GCN1: variants seen among roughly 807,000 people sequenced by gnomAD.
GCN1 encodes the protein stalled ribosome sensor GCN1.
In GCN1, 90 loss-of-function variants were observed where a neutral mutation model predicts 288.4. The ratio of observed to expected loss-of-function variants is 0.31; its 90% CI spans 0.26 to 0.37. The LOEUF (loss-of-function observed/expected upper bound fraction) is 0.37, where lower values mean the gene tolerates loss of function less well. GCN1 is among the 10% of genes least tolerant of loss of function. The pLI is 1.00. For missense variants in GCN1, 2,586 were observed against 3,419.9 expected (o/e 0.76, Z 6.08); for synonymous variants, 1,386 against 1,420.2 (o/e 0.98, Z 0.54).
chr12:120,179,546 T>C (rs1878585345), intron 5 of GCN1, among the ~76,000 whole-genome samples: 1 of 151,818 alleles, frequency 6.6e-6, no homozygotes, highest in African/African-American at 2.4e-5. Flanking sequence ...ACTACAGGTG[T>C]CCACCACCAT....
chr12:120,142,453 C>A lies in GCN1; in HGVS notation c.5829+54G>T. 7.5e-7 allele frequency: 1 copy of A among 1,333,466 alleles called. No individual in the cohort carries two copies. Among genetic ancestry groups the A allele is most frequent in the South Asian group, 1.2e-5 (1 of 84,746 alleles). 82.6% of individuals were successfully genotyped at this position (1,333,466 alleles called of 1,614,324 possible). On this transcript the variant is annotated intron_variant, in intron 44 of 57. Coordinates refer to ENST00000300648, the MANE Select transcript of GCN1 (RefSeq NM_006836.2). The surrounding 1 kb of genome is among the most constrained non-coding windows in gnomAD (Gnocchi z 4.9). ...GGCTCTGCAGACCCAGCCTTCTAGGCTCTGAAAGGAGGCACTGGGGCTGCT... is the reference window on the plus strand; with the variant it reads ...GGCTCTGCAGACCCAGCCTTCTAGGATCTGAAAGGAGGCACTGGGGCTGCT...
chr12:120,150,035 A>G lies in GCN1; in HGVS notation c.4318T>C (p.Phe1440Leu), dbSNP rs1263066789. 2 of 1,614,012 alleles carry G rather than the reference A, an allele frequency of 1.2e-6. No homozygotes were observed. The highest frequency in any genetic ancestry group is 1.7e-5 in the Admixed American group (1 of 60,006). Residue 1440 changes from phenylalanine (F) to leucine (L), a missense_variant, in exon 35 of 58, where the codon TTT (phenylalanine) becomes CTT (leucine). Physicochemically the swap from Phe to Leu is conservative, Grantham distance 22. Transcript: ENST00000300648. ...ATGGTGCAGAGCATCTCGAAGGCAA[A>G]GAGGGCTCCTAGGGGAAAAGAAGGT... ...KNFRRREGAL[F>L]AFEMLCTMLG...
In GCN1 at chr12:120,137,089, C is replaced by A. The variant is rs1161160331; in HGVS notation, c.6777+117G>T. The A allele has an allele frequency of 1.3e-6, 1 of 754,346 alleles. No individual in the cohort carries two copies. The highest frequency in any genetic ancestry group is 1.7e-5 in the African/African-American group (1 of 58,330). The allele number at this position is 754,346 out of a possible 1,614,324, so 46.7% of individuals were successfully genotyped here. Reference sequence around the variant, plus strand: ...ATGCTGTCTGCGAAGGTGCTGAACACCAACCACCACGGCTACTGCTCCAGC... The same window carrying A: ...ATGCTGTCTGCGAAGGTGCTGAACAACAACCACCACGGCTACTGCTCCAGC... On this transcript the variant is annotated intron_variant, in intron 50 of 57. Coordinates refer to ENST00000300648, the MANE Select transcript of GCN1 (RefSeq NM_006836.2). This position sits in a 1 kb window ranked among gnomAD's most constrained non-coding sequence, Gnocchi z 5.2.
At chr12:120,187,887 G>GA (rs537567748) in intron 2 of GCN1, among the ~76,000 whole-genome samples, 18,950 of 99,268 alleles carry the variant, frequency 0.19, 1,369 homozygotes, top group Middle Eastern at 0.28. Context: ...CAAAAGAAAT[G>GA]AAAAAAAAAA....
At chr12:120,193,174 G>A (rs1879061809) in intron 1 of GCN1, among the ~76,000 whole-genome samples, 1 of 152,246 alleles carries the variant, frequency 6.6e-6, no homozygotes, top group Admixed American at 6.5e-5. Context: ...CCAACATGGA[G>A]AAACCCCATC....
Position 120,134,145 on chromosome 12 carries a change from G to GTC in GCN1, c.7317+145_7317+146insGA, listed in dbSNP as rs1265025660. The GTC allele has an allele frequency of 1.7e-6, 1 of 598,730 alleles. No homozygotes were observed. The highest frequency in any genetic ancestry group is 3.0e-6 in the Non-Finnish European group (1 of 333,390). 37.1% of individuals were successfully genotyped at this position (598,730 alleles called of 1,614,324 possible). On this transcript the variant is annotated intron_variant, in intron 53 of 57. Coordinates refer to ENST00000300648, the MANE Select transcript of GCN1 (RefSeq NM_006836.2). This position sits in a 1 kb window ranked among gnomAD's most constrained non-coding sequence, Gnocchi z 5.0. ...TCCCTTGAAACCCGAGGAAATGTTG[G>GTC]TGAAGCATACAGGGTGATAGAAATG...
At chr12:120,176,568 G>T (rs1043272411) in intron 9 of GCN1, among the ~76,000 whole-genome samples, 2 of 152,314 alleles carry the variant, frequency 1.3e-5, no homozygotes, top group African/African-American at 4.8e-5. Flanking sequence ...TGGGGAGGTG[G>T]AGGGGTAAGA....
intron 45 of GCN1, among the ~76,000 whole-genome samples, chr12:120,139,418 GGA>G (rs781606206): frequency 1.3e-5 from 2 of 152,132 alleles, no homozygotes; most frequent in Non-Finnish European, 2.9e-5. Flanking sequence ...CTTGAGGCCA[GGA>G]GTTTGAGACC....
chr12:120,148,510 G>A (rs1304926834), intron 36 of GCN1, among the ~76,000 whole-genome samples, 164 bp from the exon 37 acceptor site: 4 of 152,104 alleles, frequency 2.6e-5, no homozygotes, highest in Admixed American at 6.5e-5. Context: ...CAGAGGGGTC[G>A]AAAAAGCTCT....
Position 120,149,657 on chromosome 12 carries a change from G to A in GCN1, c.4495C>T (p.Leu1499Phe). The A allele has an allele frequency of 1.2e-6, 2 of 1,614,060 alleles. No individual in the cohort carries two copies. The highest frequency in any genetic ancestry group is 1.7e-6 in the Non-Finnish European group (2 of 1,180,004). Residue 1499 changes from leucine (L) to phenylalanine (F), a missense_variant, in exon 36 of 58, where the codon CTC (leucine) becomes TTC (phenylalanine). Leu to Phe is a conservative substitution (Grantham distance 22, BLOSUM62 0). Coordinates refer to ENST00000300648, the MANE Select transcript of GCN1 (RefSeq NM_006836.2). ...TCCAGGGCAGCCAGTAAGGAGGGGA[G>A]CACCAGCTTCACCCCGTGAGCACTC... ...NLSAHGVKLV[L>F]PSLLAALEEE...
intron 57 of GCN1, among the ~76,000 whole-genome samples, chr12:120,128,365 C>T (rs767885568): frequency 7.4e-5 from 11 of 148,522 alleles, no homozygotes; most frequent in Admixed American, 3.4e-4. Flanking sequence ...GATGGAGTTT[C>T]GTTCTTGTCG....
chr12:120,175,861 G>A lies in GCN1; in HGVS notation c.927C>T (p.Ser309=), dbSNP rs1295755313. ...IVKGLAGHLK[S]NSPRLMDEAV... is the part of the protein sequence containing the mutation. ...CTTCATCCATCAGGCGGGGACTGTT[G>A]GATTTCAGGTGACCTGCACACACAA... is the stretch of plus-strand genomic sequence containing the variant. The change falls in exon 11 of 58, where the codon TCC becomes TCT. Residue 309 remains serine, a synonymous_variant. Coordinates refer to ENST00000300648, the MANE Select transcript of GCN1 (RefSeq NM_006836.2). 1 of 1,609,038 alleles carries A rather than the reference G, an allele frequency of 6.2e-7. No homozygotes were observed. Among genetic ancestry groups the A allele is most frequent in the Non-Finnish European group, 8.5e-7 (1 of 1,178,456 alleles).
Position 120,153,456 on chromosome 12 carries a change from T to A in GCN1, c.3868-49A>T. 1 of 1,519,068 alleles carries A rather than the reference T, an allele frequency of 6.6e-7. No homozygotes were observed. Among genetic ancestry groups the A allele is most frequent in the African/African-American group, 1.4e-5 (1 of 73,360 alleles). The allele number at this position is 1,519,068 out of a possible 1,614,324, so 94.1% of individuals were successfully genotyped here. A position where few individuals can be genotyped will look rare whatever the true frequency, so the allele number is the denominator to read the frequency against. On this transcript the variant is annotated intron_variant, in intron 32 of 57. Coordinates refer to ENST00000300648, the MANE Select transcript of GCN1 (RefSeq NM_006836.2). The surrounding 1 kb of genome is among the most constrained non-coding windows in gnomAD (Gnocchi z 4.4). Reference sequence around the variant, plus strand: ...CCTCAGGTCAACCCTACAGGCTGCATCTGGGGACAACAGTCCCTGCCCTGA... The same window carrying A: ...CCTCAGGTCAACCCTACAGGCTGCAACTGGGGACAACAGTCCCTGCCCTGA...
rs1877752858 is a variant in GCN1, at chr12:120,156,495, G to T, written c.3278C>A (p.Ser1093Tyr). 1 of 1,614,052 alleles carries T rather than the reference G, an allele frequency of 6.2e-7. No individual in the cohort carries two copies. Among genetic ancestry groups the T allele is most frequent in the African/African-American group, 1.3e-5 (1 of 75,058 alleles). The change falls in exon 28 of 58, where the codon TCC (serine) becomes TAC (tyrosine). Residue 1093 changes from serine (S) to tyrosine (Y), a missense_variant. By Grantham distance (144) the Ser-to-Tyr change is moderately radical. Coordinates refer to ENST00000300648, the MANE Select transcript of GCN1 (RefSeq NM_006836.2). The surrounding 1 kb of genome is among the most constrained non-coding windows in gnomAD (Gnocchi z 5.8). The stretch of plus-strand genomic sequence containing the variant: ...GGTTTCCCGCACGCTGGCACACGGG[G>T]ACTGCAAGGCACAGAGCAGCACGTC... The part of the protein sequence containing the change: ...EVDVLLCALQ[S>Y]PCASVRETVL...
intron 36 of GCN1, 150 bp downstream of exon 36, chr12:120,149,456 C>A: frequency 1.6e-6 from 1 of 611,824 alleles, no homozygotes. Flanking sequence ...TAGAGCAAGA[C>A]TCCATCTCAA....
At chr12:120,159,654 C>T (rs370381587) in intron 24 of GCN1, among the ~76,000 whole-genome samples, 171 bp downstream of exon 24, 3 of 152,338 alleles carry the variant, frequency 2.0e-5, no homozygotes, top group East Asian at 3.9e-4. Flanking sequence ...GGAGGCACTA[C>T]GTCTCTCCTA....
intron 2 of GCN1, among the ~76,000 whole-genome samples, chr12:120,189,599 C>A (rs961490892): frequency 2.7e-4 from 41 of 149,768 alleles, no homozygotes; most frequent in African/African-American, 1.0e-3. Context: ...AAACTCCTGA[C>A]CTTGTGATCT....
rs781143303 is a variant in GCN1 at position 120,156,517 on chromosome 12, C to T, written c.3256G>A (p.Val1086Met). 3.7e-6 allele frequency: 6 copies of T among 1,613,962 alleles called. No homozygotes were observed. Among genetic ancestry groups the T allele is most frequent in the Middle Eastern group, 1.7e-4 (1 of 6,060 alleles). ...GGGGACTGCAAGGCACAGAGCAGCA[C>T]GTCCACCTCCTCCTGCTCTGCAAAG... ...CAFAEQEEVD[V>M]LLCALQSPCA... is the part of the protein sequence containing the mutation. Residue 1086 changes from valine to methionine, a missense_variant, in exon 28 of 58, where the codon GTG becomes ATG. By Grantham distance (21) the Val-to-Met change is conservative. Around this residue, in one of 8 missense-constraint regions of GCN1, gnomAD observed 153 missense variants for 252.0 expected, o/e 0.61. Transcript: ENST00000300648. This position sits in a 1 kb window ranked among gnomAD's most constrained non-coding sequence, Gnocchi z 5.8.
chr12:120,130,631 T>G lies in GCN1; in HGVS notation c.7671+15A>C. The G allele has an allele frequency of 6.4e-7, 1 of 1,565,558 alleles. No homozygotes were observed. The highest frequency in any genetic ancestry group is 1.1e-5 in the South Asian group (1 of 90,034). On this transcript the variant is annotated intron_variant, in intron 56 of 57. Coordinates refer to ENST00000300648, the MANE Select transcript of GCN1 (RefSeq NM_006836.2). ...CAGGTGTTAGGGCTTAAACACATGC[T>G]TGGCCCCCACTCACCTTAACGAACA... is the stretch of plus-strand genomic sequence containing the variant.
Sources: allele counts gnomAD v4.1 joint callset (sites outside exome capture counted in the v4.1 genomes callset), GRCh38; gene constraint gnomAD v4.1.1; regional missense constraint gnomAD v4.1.1; non-coding constraint Gnocchi (gnomAD v3.1); transcripts MANE v1.5; gene names NCBI Gene and HGNC (gene_info 2026-07-23, HGNC 2026-07-21).